OLIG3: variants seen among roughly 807,000 people sequenced by gnomAD.
OLIG3 encodes the protein class B basic helix-loop-helix protein 7.
OLIG3 carries 12 observed loss-of-function variants against 14.7 expected under a neutral mutation model. The ratio of observed to expected loss-of-function variants is 0.82; its 90% confidence interval spans 0.52 to 1.32. OLIG3 has a LOEUF of 1.32. OLIG3 is among the 40% of genes most tolerant of loss of function. The probability of loss-of-function intolerance (pLI) is 0.00; values close to 1 mark genes in which losing one functional copy is unlikely to be tolerated. For synonymous variants in OLIG3, 192 were observed against 171.4 expected (o/e 1.12, Z -0.94); for missense variants, 405 against 373.7 (o/e 1.08, Z -0.69).
At position 137,493,224 on chromosome 6, in the gene OLIG3, G is replaced by A. The variant is rs1783144487; in HGVS notation, c.*128C>T. Reference sequence around the variant, plus strand: ...GTCTGAGATCTCTCAGACAGCGTGGGAGGCTGCGGGCCCCGGAGCCTGCCC... The same window carrying A: ...GTCTGAGATCTCTCAGACAGCGTGGAAGGCTGCGGGCCCCGGAGCCTGCCC... On this transcript the variant is annotated 3_prime_UTR_variant, in exon 1 of 1. Coordinates refer to ENST00000367734, the MANE Select transcript of OLIG3 (RefSeq NM_175747.2). This position sits in a 1 kb window ranked among gnomAD's most constrained non-coding sequence, Gnocchi z 6.1. 4.2e-6 allele frequency: 3 copies of A among 719,022 alleles called. No individual in the cohort carries two copies. Among genetic ancestry groups the A allele is most frequent in the African/African-American group, 3.8e-5 (2 of 52,358 alleles). The allele number at this position is 719,022 out of a possible 1,614,324, so 44.5% of individuals were successfully genotyped here. A position where few individuals can be genotyped will look rare whatever the true frequency, so the allele number is the denominator to read the frequency against.
rs1469382584 is a variant in OLIG3 at position 137,492,802 on chromosome 6, T to G, written c.*550A>C. The G allele has an allele frequency of 6.5e-6, 1 of 153,088 alleles. No individual in the cohort carries two copies. Among genetic ancestry groups the G allele is most frequent in the Admixed American group, 6.5e-5 (1 of 15,296 alleles). 9.5% of individuals were successfully genotyped at this position (153,088 alleles called of 1,614,324 possible). ...CTGGACCTCGGTTGAGATTCAAAACTTGGGTCTTGATCTCTCTCGCGCTCT... is the reference window on the plus strand; with the variant it reads ...CTGGACCTCGGTTGAGATTCAAAACGTGGGTCTTGATCTCTCTCGCGCTCT... On this transcript the variant is annotated 3_prime_UTR_variant, in exon 1 of 1. Coordinates refer to ENST00000367734, the MANE Select transcript of OLIG3 (RefSeq NM_175747.2).
In OLIG3 at chr6:137,493,784, G is replaced by T; in HGVS notation, c.387C>A (p.Leu129=). ...RKLSKIATLL[L]ARNYILMLTS... ...TGAGCATGAGGATGTAGTTTCTGGC[G>T]AGCAGGAGTGTGGCGATCTTGGAGA... The change falls in exon 1 of 1, where the codon CTC becomes CTA. Residue 129 remains leucine, a synonymous_variant. Coordinates refer to ENST00000367734, the MANE Select transcript of OLIG3 (RefSeq NM_175747.2). The surrounding 1 kb of genome is among the most constrained non-coding windows in gnomAD (Gnocchi z 6.1). The T allele has an allele frequency of 3.1e-6, 5 of 1,614,208 alleles. No individual in the cohort carries two copies. Among genetic ancestry groups the T allele is most frequent in the Non-Finnish European group, 4.2e-6 (5 of 1,180,048 alleles).
rs779556533 is a variant in OLIG3, at chr6:137,493,559, G to C, written c.612C>G (p.Pro204=). Residue 204 remains proline (P), a synonymous_variant, in exon 1 of 1, where the codon CCC becomes CCG. Coordinates refer to ENST00000367734, the MANE Select transcript of OLIG3 (RefSeq NM_175747.2). This position sits in a 1 kb window ranked among gnomAD's most constrained non-coding sequence, Gnocchi z 6.1. ...GGGGAGGCCGGATGGTGCCGATGGC[G>C]GGAAGTGAGGCGGCGGACAGCGGTG... ...ASSPLSAASL[P]AIGTIRPPHS... 1 of 1,587,254 alleles carries C rather than the reference G, an allele frequency of 6.3e-7. No individual in the cohort carries two copies. The highest frequency in any genetic ancestry group is 8.6e-7 in the Non-Finnish European group (1 of 1,168,736).
Position 137,493,825 on chromosome 6 carries a change from G to A in OLIG3, c.346C>T (p.Pro116Ser), listed in dbSNP as rs776494118. 7 of 1,614,116 alleles carry A rather than the reference G, an allele frequency of 4.3e-6. No individual in the cohort carries two copies. In the African/African-American group the frequency reaches 9.3e-5, roughly 22 times the overall value. ...ATCTTGGAGAGCTTGCGCACCGACG[G>A]CCCATGCGCGTAGGGCATGACTTCG... ...LREVMPYAHG[P>S]SVRKLSKIAT... Residue 116 changes from proline (P) to serine (S), a missense_variant, in exon 1 of 1, where the codon CCG becomes TCG. Pro to Ser is a moderately conservative substitution (Grantham distance 74). Coordinates refer to ENST00000367734, the MANE Select transcript of OLIG3 (RefSeq NM_175747.2). The surrounding 1 kb of genome is among the most constrained non-coding windows in gnomAD (Gnocchi z 6.1).
chr6:137,492,221 AT>A lies in OLIG3; in HGVS notation c.*1130del, dbSNP rs1783125964. The A allele has an allele frequency of 1.3e-5, 2 of 152,780 alleles. No individual in the cohort carries two copies. Among genetic ancestry groups the A allele is most frequent in the Admixed American group, 1.3e-4 (2 of 15,280 alleles). 9.5% of individuals were successfully genotyped at this position (152,780 alleles called of 1,614,324 possible). Reference sequence around the variant, plus strand: ...AGCCACGATTTAAAGGTTCTTTTTTATTTGAAATCTCATCCAGAAACACTGG... The same window carrying A: ...AGCCACGATTTAAAGGTTCTTTTTTATTGAAATCTCATCCAGAAACACTGG... On this transcript the variant is annotated 3_prime_UTR_variant, in exon 1 of 1. Coordinates refer to ENST00000367734, the MANE Select transcript of OLIG3 (RefSeq NM_175747.2).
Position 137,493,490 on chromosome 6 carries a change from C to A in OLIG3, c.681G>T (p.Leu227=). 6.4e-7 allele frequency: 1 copy of A among 1,573,916 alleles called. No homozygotes were observed. The highest frequency in any genetic ancestry group is 2.3e-5 in the East Asian group (1 of 43,574). The change falls in exon 1 of 1, where the codon CTG becomes CTT. Residue 227 remains leucine, a synonymous_variant. Transcript: ENST00000367734. The surrounding 1 kb of genome is among the most constrained non-coding windows in gnomAD (Gnocchi z 6.1). The part of the protein sequence containing the change: ...KAPSTPPALQ[L]GSGFQHWAGL... Reference sequence around the variant, plus strand: ...CAGCCCAGTGCTGGAAGCCGCTGCCCAGCTGCAGCGCGGGCGGCGTGGAGG... The same window carrying A: ...CAGCCCAGTGCTGGAAGCCGCTGCCAAGCTGCAGCGCGGGCGGCGTGGAGG...
chr6:137,492,885 A>G lies in OLIG3; in HGVS notation c.*467T>C, dbSNP rs943550392. 2 of 157,016 alleles carry G rather than the reference A, an allele frequency of 1.3e-5. No homozygotes were observed. Among genetic ancestry groups the G allele is most frequent in the Non-Finnish European group, 2.8e-5 (2 of 71,076 alleles). 9.7% of individuals were successfully genotyped at this position (157,016 alleles called of 1,614,324 possible). ...AACTGTGGCAAGGACAGAGACAATCATAATCGCATCCATCTCAAGAAAATA... is the reference window on the plus strand; with the variant it reads ...AACTGTGGCAAGGACAGAGACAATCGTAATCGCATCCATCTCAAGAAAATA... On this transcript the variant is annotated 3_prime_UTR_variant, in exon 1 of 1. Transcript: ENST00000367734.
rs1562355595 is a variant in OLIG3 at position 137,493,906 on chromosome 6, T to A, written c.265A>T (p.Asn89Tyr). Residue 89 changes from asparagine to tyrosine, a missense_variant, in exon 1 of 1, where the codon AAC (asparagine) becomes TAC (tyrosine). By Grantham distance (143) the Asn-to-Tyr change is moderately radical (BLOSUM62 -2). Transcript: ENST00000367734. This position sits in a 1 kb window ranked among gnomAD's most constrained non-coding sequence, Gnocchi z 6.1. ...TGCATCCGCTTGCGTTCGCGTCCGT[T>A]GATCTTCAGCCTCAACTGCTGTAGG... ...QDLQQLRLKI[N>Y]GRERKRMHDL... 1 of 1,614,262 alleles carries A rather than the reference T, an allele frequency of 6.2e-7. No homozygotes were observed. Among genetic ancestry groups the A allele is most frequent in the Non-Finnish European group, 8.5e-7 (1 of 1,180,040 alleles).
In OLIG3 at chr6:137,494,148, A is replaced by G; in HGVS notation, c.23T>C (p.Val8Ala). 3 of 1,613,338 alleles carry G rather than the reference A, an allele frequency of 1.9e-6. No individual in the cohort carries two copies. In the South Asian group the frequency reaches 3.3e-5, roughly 18 times the overall value. ...GTCCGGAGATGAAGCTCTGCTGGAG[A>G]CAGAGCTCGAATCAGAATTCATTTT... MNSDSSS[V>A]SSRASSPDMD... is the part of the protein sequence containing the mutation. The change falls in exon 1 of 1, where the codon GTC (valine) becomes GCC (alanine). Residue 8 changes from valine to alanine, a missense_variant. Coordinates refer to ENST00000367734, the MANE Select transcript of OLIG3 (RefSeq NM_175747.2).
chr6:137,494,129 A>C lies in OLIG3; in HGVS notation c.42T>G (p.Ser14=), dbSNP rs1582754349. 6.2e-7 allele frequency: 1 copy of C among 1,613,568 alleles called. No homozygotes were observed. The highest frequency in any genetic ancestry group is 8.5e-7 in the Non-Finnish European group (1 of 1,179,984). ...DSSSVSSRAS[S]PDMDEMYLRD... ...TCAGGTACATCTCATCCATGTCCGGAGATGAAGCTCTGCTGGAGACAGAGC... is the reference window on the plus strand; with the variant it reads ...TCAGGTACATCTCATCCATGTCCGGCGATGAAGCTCTGCTGGAGACAGAGC... Residue 14 remains serine (S), a synonymous_variant, in exon 1 of 1, where the codon TCT becomes TCG. Coordinates refer to ENST00000367734, the MANE Select transcript of OLIG3 (RefSeq NM_175747.2).
Position 137,493,347 on chromosome 6 carries a change from G to A in OLIG3, c.*5C>T. 6.4e-7 allele frequency: 1 copy of A among 1,551,160 alleles called. No homozygotes were observed. The highest frequency in any genetic ancestry group is 8.6e-7 in the Non-Finnish European group (1 of 1,159,350). ...TCCTCCTTGGCAGCCGGGCCCGCCC[G>A]CTGCTCACTTGAGCAAGTCCTTGGA... On this transcript the variant is annotated 3_prime_UTR_variant, in exon 1 of 1. Coordinates refer to ENST00000367734, the MANE Select transcript of OLIG3 (RefSeq NM_175747.2). This position sits in a 1 kb window ranked among gnomAD's most constrained non-coding sequence, Gnocchi z 6.1.
Position 137,494,131 on chromosome 6 carries a change from A to T in OLIG3, c.40T>A (p.Ser14Thr), listed in dbSNP as rs1270832277. Residue 14 changes from serine (S) to threonine (T), a missense_variant, in exon 1 of 1, where the codon TCT (serine) becomes ACT (threonine). By Grantham distance (58) the Ser-to-Thr change is moderately conservative. This residue lies in a region of OLIG3 where 165 missense variants were observed against 165.5 expected (regional missense o/e 1.00). Coordinates refer to ENST00000367734, the MANE Select transcript of OLIG3 (RefSeq NM_175747.2). Reference protein sequence around the residue: ...DSSSVSSRASSPDMDEMYLRD... With the variant: ...DSSSVSSRASTPDMDEMYLRD... ...AGGTACATCTCATCCATGTCCGGAG[A>T]TGAAGCTCTGCTGGAGACAGAGCTC... The T allele has an allele frequency of 6.8e-6, 11 of 1,613,656 alleles. No homozygotes were observed. The South Asian group carries it at 1.1e-4, about 16-fold the overall frequency.
In OLIG3 at chr6:137,493,497, A is replaced by G; in HGVS notation, c.674T>C (p.Leu225Pro). 3.2e-6 allele frequency: 5 copies of G among 1,573,868 alleles called. No individual in the cohort carries two copies. Among genetic ancestry groups the G allele is most frequent in the Non-Finnish European group, 4.3e-6 (5 of 1,163,546 alleles). Residue 225 changes from leucine to proline, a missense_variant, in exon 1 of 1, where the codon CTG becomes CCG. Leu to Pro is a moderately conservative substitution (Grantham distance 98). Around this residue, in one of 3 missense-constraint regions of OLIG3, gnomAD observed 230 missense variants for 178.5 expected, o/e 1.29. Coordinates refer to ENST00000367734, the MANE Select transcript of OLIG3 (RefSeq NM_175747.2). The surrounding 1 kb of genome is among the most constrained non-coding windows in gnomAD (Gnocchi z 6.1). ...GTGCTGGAAGCCGCTGCCCAGCTGC[A>G]GCGCGGGCGGCGTGGAGGGCGCCTT... is the stretch of plus-strand genomic sequence containing the variant. ...LLKAPSTPPA[L>P]QLGSGFQHWA...
chr6:137,493,410 G>A lies in OLIG3; in HGVS notation c.761C>T (p.Ala254Val). 6.3e-7 allele frequency: 1 copy of A among 1,592,478 alleles called. No individual in the cohort carries two copies. The highest frequency in any genetic ancestry group is 1.7e-5 in the Admixed American group (1 of 58,848). Residue 254 changes from alanine (A) to valine (V), a missense_variant, in exon 1 of 1, where the codon GCT becomes GTT. By Grantham distance (64) the Ala-to-Val change is moderately conservative (BLOSUM62 0). Transcript: ENST00000367734. The surrounding 1 kb of genome is among the most constrained non-coding windows in gnomAD (Gnocchi z 6.1). ...CCGGGCCATGTTGGCTGTGGAGAGAGCGGACAGGTGCGGCGGCGGCGGCAT... is the reference window on the plus strand; with the variant it reads ...CCGGGCCATGTTGGCTGTGGAGAGAACGGACAGGTGCGGCGGCGGCGGCAT... ...CQMPPPPHLS[A>V]LSTANMARLS...
In OLIG3 at chr6:137,492,621, G is replaced by A. The variant is rs569695426; in HGVS notation, c.*731C>T. On this transcript the variant is annotated 3_prime_UTR_variant, in exon 1 of 1. Transcript: ENST00000367734. ...TCATACAACCACAGACAGATATATG[G>A]AGTACTTGGGATAATTCACTAATAA... 1 of 152,764 alleles carries A rather than the reference G, an allele frequency of 6.5e-6. No individual in the cohort carries two copies. Among genetic ancestry groups the A allele is most frequent in the South Asian group, 2.1e-4 (1 of 4,830 alleles). 9.5% of individuals were successfully genotyped at this position (152,764 alleles called of 1,614,324 possible).
chr6:137,494,290 T>C lies in OLIG3; in HGVS notation c.-120A>G, dbSNP rs1330092107. 1 of 865,568 alleles carries C rather than the reference T, an allele frequency of 1.2e-6. No individual in the cohort carries two copies. The highest frequency in any genetic ancestry group is 1.8e-6 in the Non-Finnish European group (1 of 557,294). 53.6% of individuals were successfully genotyped at this position (865,568 alleles called of 1,614,324 possible). Reference sequence around the variant, plus strand: ...GAACCCACTTCTCCGCGGCAAGACGTGAGAAGAAAAGCGGAGACGCTGCTT... The same window carrying C: ...GAACCCACTTCTCCGCGGCAAGACGCGAGAAGAAAAGCGGAGACGCTGCTT... On this transcript the variant is annotated 5_prime_UTR_variant, in exon 1 of 1. Transcript: ENST00000367734.
At position 137,493,058 on chromosome 6, in the gene OLIG3, T is replaced by G; in HGVS notation, c.*294A>C. 1 of 409,632 alleles carries G rather than the reference T, an allele frequency of 2.4e-6. No homozygotes were observed. The highest frequency in any genetic ancestry group is 4.4e-6 in the Non-Finnish European group (1 of 229,126). 25.4% of individuals were successfully genotyped at this position (409,632 alleles called of 1,614,324 possible). On this transcript the variant is annotated 3_prime_UTR_variant, in exon 1 of 1. Transcript: ENST00000367734. The surrounding 1 kb of genome is among the most constrained non-coding windows in gnomAD (Gnocchi z 6.1). ...AACAAATGCAGTTTTGACAAGAGCA[T>G]ATGGCAGTGAAAAATACTGGCGCGG...
At position 137,493,930 on chromosome 6, in the gene OLIG3, G is replaced by A. The variant is rs1783161111; in HGVS notation, c.241C>T (p.Leu81=). 6.2e-7 allele frequency: 1 copy of A among 1,614,114 alleles called. No homozygotes were observed. Among genetic ancestry groups the A allele is most frequent in the Non-Finnish European group, 8.5e-7 (1 of 1,180,056 alleles). Residue 81 remains leucine, a synonymous_variant, in exon 1 of 1, where the codon CTA becomes TTA. Coordinates refer to ENST00000367734, the MANE Select transcript of OLIG3 (RefSeq NM_175747.2). The surrounding 1 kb of genome is among the most constrained non-coding windows in gnomAD (Gnocchi z 6.1). ...TTGATCTTCAGCCTCAACTGCTGTAGGTCCTGCTCCGACAGCTGCTTCTTG... is the reference window on the plus strand; with the variant it reads ...TTGATCTTCAGCCTCAACTGCTGTAAGTCCTGCTCCGACAGCTGCTTCTTG... ...KIKKQLSEQD[L]QQLRLKINGR...
In OLIG3 at chr6:137,493,672, A is replaced by G; in HGVS notation, c.499T>C (p.Ser167Pro). ...GCCGCGTGCGCGGGGTGGCCGGCCG[A>G]GTGGCCCACGGTCCCGCAGTGAAAG... ...SAFHCGTVGH[S>P]AGHPAHAANS... is the part of the protein sequence containing the mutation. The change falls in exon 1 of 1, where the codon TCG becomes CCG. Residue 167 changes from serine to proline, a missense_variant. Physicochemically the swap from Ser to Pro is moderately conservative, Grantham distance 74. Coordinates refer to ENST00000367734, the MANE Select transcript of OLIG3 (RefSeq NM_175747.2). The surrounding 1 kb of genome is among the most constrained non-coding windows in gnomAD (Gnocchi z 6.1). 1 of 1,610,526 alleles carries G rather than the reference A, an allele frequency of 6.2e-7. No homozygotes were observed. Among genetic ancestry groups the G allele is most frequent in the Non-Finnish European group, 8.5e-7 (1 of 1,179,738 alleles).
Sources: gnomAD v4.1 joint callset for allele counts on GRCh38, gnomAD v4.1.1 for gene constraint, gnomAD v4.1.1 regional missense constraint, Gnocchi (gnomAD v3.1) non-coding constraint, MANE v1.5 for transcripts, NCBI Gene and HGNC (gene_info 2026-07-23, HGNC 2026-07-21) for gene names.